Variants in FNDC3B observed in about 807,000 individuals in gnomAD.
The protein encoded by FNDC3B is fibronectin type III domain-containing protein 3B.
In FNDC3B, 12 loss-of-function variants were observed where a neutral mutation model predicts 151.5. The ratio of observed to expected loss-of-function variants is 0.08; its 90% confidence interval spans 0.05 to 0.13. FNDC3B has a LOEUF of 0.13. Ranked by LOEUF, FNDC3B falls within the 10% of genes least tolerant of loss-of-function variation. FNDC3B has a pLI of 1.00. For missense variants in FNDC3B, 1,214 were observed against 1,505.3 expected (o/e 0.81, Z 3.20); for synonymous variants, 528 against 549.0 (o/e 0.96, Z 0.54).
chr3:172,271,395 A>G (rs2108803817), intron 6 of FNDC3B, among the ~76,000 whole-genome samples: 1 of 152,292 alleles, frequency 6.6e-6, no homozygotes, highest in South Asian at 2.1e-4. Flanking sequence ...TTTAGATACC[A>G]GCTCTCTTCA....
chr3:172,171,390 G>A (rs1723274113), intron 3 of FNDC3B, among the ~76,000 whole-genome samples: 1 of 151,940 alleles, frequency 6.6e-6, no homozygotes, highest in African/African-American at 2.4e-5. Context: ...TTTCCTTGTT[G>A]TAGATGTGGC....
At chr3:172,295,639 T>C in intron 8 of FNDC3B, 125 bp downstream of exon 8, 2 of 777,580 alleles carry the variant, frequency 2.6e-6, no homozygotes, top group Non-Finnish European at 4.0e-6. Context: ...TTTTAAGATT[T>C]AGTAATAATT....
intron 3 of FNDC3B, chr3:172,184,265 C>T (rs958857596): frequency 6.6e-6 from 1 of 152,158 alleles, no homozygotes; most frequent in Non-Finnish European, 1.5e-5. Context: ...TGAGCACTCA[C>T]CATGCCAGGC....
At position 172,311,051 on chromosome 3, in the gene FNDC3B, A is replaced by G. The variant is rs544002357; in HGVS notation, c.1254+170A>G. On this transcript the variant is annotated intron_variant, in intron 11 of 25. Coordinates refer to ENST00000415807, the MANE Select transcript of FNDC3B (RefSeq NM_022763.4). Reference sequence around the variant, plus strand: ...ACTATGGAAAATGAAGTTAGATTGAAGTAGTATTATGAGTTGTGTATTGAA... The same window carrying G: ...ACTATGGAAAATGAAGTTAGATTGAGGTAGTATTATGAGTTGTGTATTGAA... 15 of 598,698 alleles carry G rather than the reference A, an allele frequency of 2.5e-5. No homozygotes were observed. The East Asian group carries it at 4.0e-4, about 16-fold the overall frequency. The allele number at this position is 598,698 out of a possible 1,614,324, so 37.1% of individuals were successfully genotyped here.
At chr3:172,387,976 G>A (rs565376457) in intron 25 of FNDC3B, among the ~76,000 whole-genome samples, 7 of 152,308 alleles carry the variant, frequency 4.6e-5, no homozygotes, top group South Asian at 2.1e-4. Context: ...GGGGAGACAC[G>A]GCGACAAGTC....
At chr3:172,175,766 C>T (rs1723551111) in intron 3 of FNDC3B, among the ~76,000 whole-genome samples, 1 of 152,084 alleles carries the variant, frequency 6.6e-6, no homozygotes, top group Non-Finnish European at 1.5e-5. Flanking sequence ...GAACCTTGTA[C>T]CGCGTTGGAG....
At chr3:172,358,205 T>C (rs1317472273) in intron 22 of FNDC3B, among the ~76,000 whole-genome samples, 2 of 152,266 alleles carry the variant, frequency 1.3e-5, no homozygotes, top group African/African-American at 4.8e-5. Flanking sequence ...TCCTACCTTA[T>C]GGGGTCAGCA....
chr3:172,150,065 C>T (rs943932838), intron 3 of FNDC3B, among the ~76,000 whole-genome samples: 1 of 152,012 alleles, frequency 6.6e-6, no homozygotes, highest in African/African-American at 2.4e-5. Flanking sequence ...GATCCACCCA[C>T]CTTGGCCTCC....
At chr3:172,348,949 A>G (rs1733730917) in intron 21 of FNDC3B, among the ~76,000 whole-genome samples, 1 of 152,202 alleles carries the variant, frequency 6.6e-6, no homozygotes, top group Non-Finnish European at 1.5e-5. Flanking sequence ...CAACATGATT[A>G]CAAAGTCAAG....
chr3:172,112,707 G>A, intron 2 of FNDC3B, 117 bp downstream of exon 2: 1 of 740,756 alleles, frequency 1.3e-6, no homozygotes, highest in Non-Finnish European at 2.4e-6. Flanking sequence ...CATTTCTAGA[G>A]GTAAGTGTTT....
intron 2 of FNDC3B, among the ~76,000 whole-genome samples, chr3:172,116,724 C>A (rs189215257): frequency 1.3e-5 from 2 of 152,230 alleles, no homozygotes; most frequent in East Asian, 3.9e-4. Flanking sequence ...TGCCACCACG[C>A]CTGGCTAATT....
intron 11 of FNDC3B, among the ~76,000 whole-genome samples, chr3:172,324,639 G>A (rs1732251510): frequency 6.6e-6 from 1 of 152,200 alleles, no homozygotes; most frequent in Non-Finnish European, 1.5e-5. Context: ...GCCCAAGGTT[G>A]CAAAATGGAA....
At chr3:172,305,913 G>A (rs530339003) in intron 9 of FNDC3B, among the ~76,000 whole-genome samples, 8 of 152,282 alleles carry the variant, frequency 5.3e-5, no homozygotes, top group South Asian at 2.1e-4. Flanking sequence ...CTTACAGTGC[G>A]TGCAAAAAGG....
intron 20 of FNDC3B, 129 bp from the exon 21 acceptor site, chr3:172,347,083 T>C: frequency 1.2e-6 from 1 of 806,010 alleles, no homozygotes; most frequent in Non-Finnish European, 1.9e-6. Flanking sequence ...GATCGTGCCT[T>C]TCTTTTATAT....
chr3:172,183,172 A>T (rs1293544652), intron 3 of FNDC3B, among the ~76,000 whole-genome samples: 3 of 152,204 alleles, frequency 2.0e-5, no homozygotes, highest in African/African-American at 7.2e-5. Context: ...GTGAGCCAGA[A>T]ATTTAATCTG....
Position 172,334,978 on chromosome 3 carries a change from C to G in FNDC3B, c.1676C>G (p.Pro559Arg). 1 of 1,613,686 alleles carries G rather than the reference C, an allele frequency of 6.2e-7. No individual in the cohort carries two copies. The part of the protein sequence containing the change: ...TASNTEGKSC[P>R]SEVLVCTTSP... ...TCTAATACGGAAGGAAAAAGCTGTC[C>G]AAGCGAAGTTCTTGTTTGTACGACG... Residue 559 changes from proline to arginine, a missense_variant, in exon 15 of 26, where the codon CCA becomes CGA. Physicochemically the swap from Pro to Arg is moderately radical, Grantham distance 103 (BLOSUM62 -2). Coordinates refer to ENST00000415807, the MANE Select transcript of FNDC3B (RefSeq NM_022763.4).
chr3:172,118,786 G>A (rs1427137397), intron 2 of FNDC3B, among the ~76,000 whole-genome samples: 3 of 152,166 alleles, frequency 2.0e-5, no homozygotes, highest in Admixed American at 6.5e-5. Flanking sequence ...GCTGACTGCC[G>A]TTCATGCTTC....
chr3:172,056,976 CATCTGAATGCCA>C (rs1716948162), intron 1 of FNDC3B, among the ~76,000 whole-genome samples: 1 of 152,114 alleles, frequency 6.6e-6, no homozygotes, highest in Non-Finnish European at 1.5e-5. Context: ...GGGGAAAGCA[CATCTGAATGCCA>C]AGCAGTACTT....
intron 3 of FNDC3B, among the ~76,000 whole-genome samples, chr3:172,152,277 C>T (rs1440966454): frequency 6.6e-6 from 1 of 152,144 alleles, no homozygotes; most frequent in Non-Finnish European, 1.5e-5. Flanking sequence ...TTGCTGTAGA[C>T]CTCTCTTAGA....
Sources: allele counts gnomAD v4.1 joint callset (sites outside exome capture counted in the v4.1 genomes callset), GRCh38; gene constraint gnomAD v4.1.1; transcripts MANE v1.5; gene names NCBI Gene and HGNC (gene_info 2026-07-23, HGNC 2026-07-21).